The following BLOC1S6 variants were observed in gnomAD, a reference collection of about 807,000 sequenced individuals.
The protein encoded by BLOC1S6 is biogenesis of lysosome-related organelles complex 1 subunit 6.
A neutral mutation model predicts 24.7 loss-of-function variants in BLOC1S6; 24 were observed. The observed-to-expected ratio is 0.97, with a 90% CI of 0.70 to 1.37. The LOEUF is 1.37. Ranked by LOEUF, BLOC1S6 falls within the 40% of genes most tolerant of loss-of-function variation. The pLI, the probability that BLOC1S6 is intolerant of heterozygous loss-of-function variation, is 0.00. For synonymous variants in BLOC1S6, 76 were observed against 72.6 expected (o/e 1.05, Z -0.23); for missense variants, 175 against 196.2 (o/e 0.89, Z 0.64).
At chr15:45,590,009 C>T (rs1595551450) in intron 1 of BLOC1S6, among the ~76,000 whole-genome samples, 1 of 151,950 alleles carries the variant, frequency 6.6e-6, no homozygotes, top group Non-Finnish European at 1.5e-5. Context: ...TTGGGGTGTT[C>T]CTATCATAAA....
chr15:45,604,395 T>C (rs1894377445), intron 3 of BLOC1S6, among the ~76,000 whole-genome samples: 1 of 152,206 alleles, frequency 6.6e-6, no homozygotes, highest in African/African-American at 2.4e-5. Flanking sequence ...TAGTTCCTGG[T>C]TTCTTGCGAG....
At position 45,592,185 on chromosome 15, in the gene BLOC1S6, G is replaced by A; in HGVS notation, c.133G>A (p.Glu45Lys). 1 of 1,614,136 alleles carries A rather than the reference G, an allele frequency of 6.2e-7. No homozygotes were observed. The highest frequency in any genetic ancestry group is 8.5e-7 in the Non-Finnish European group (1 of 1,180,028). ...AGGGTTAATAGAGGACTTGACTATAGAAGACAAAGCAGTGGAGCAACTGGC... is the reference window on the plus strand; with the variant it reads ...AGGGTTAATAGAGGACTTGACTATAAAAGACAAAGCAGTGGAGCAACTGGC... ...DEGLIEDLTI[E>K]DKAVEQLAEG... is the part of the protein sequence containing the mutation. The change falls in exon 2 of 5, where the codon GAA becomes AAA. Residue 45 changes from glutamate (E) to lysine (K), a missense_variant. Physicochemically the swap from Glu to Lys is moderately conservative, Grantham distance 56 (BLOSUM62 1). Transcript: ENST00000220531.
rs1477459893 is a variant in BLOC1S6, at chr15:45,606,458, GAGA to G, written c.466_468del (p.Lys156del). ...AGAGTTGGAAAGGGAGCAGCAACGA[GAGA>G]AGGAGTTTGAAAGAGAAAAGCAGTT... On this transcript the variant is annotated inframe_deletion, in exon 5 of 5. Coordinates refer to ENST00000220531, the MANE Select transcript of BLOC1S6 (RefSeq NM_012388.4). 4 of 1,614,012 alleles carry G rather than the reference GAGA, an allele frequency of 2.5e-6. No individual in the cohort carries two copies. The highest frequency in any genetic ancestry group is 2.2e-5 in the South Asian group (2 of 91,080).
At chr15:45,603,023 A>G (rs1940128252) in intron 2 of BLOC1S6, 77 bp from the exon 3 acceptor site, 8 of 923,520 alleles carry the variant, frequency 8.7e-6, no homozygotes, top group Middle Eastern at 2.1e-4. Context: ...CCATTAACCA[A>G]GATGAATATG....
chr15:45,596,756 G>A (rs568167716), intron 2 of BLOC1S6, among the ~76,000 whole-genome samples: 1 of 151,846 alleles, frequency 6.6e-6, no homozygotes, highest in African/African-American at 2.4e-5. Context: ...TCAGCTCACT[G>A]CAACCTCTGC....
At chr15:45,587,754 G>A (rs1413898848) in intron 1 of BLOC1S6, 1 of 703,586 alleles carries the variant, frequency 1.4e-6, no homozygotes, top group Non-Finnish European at 2.6e-6. Context: ...GCAATTGAAG[G>A]CGGTTGATGG....
Position 45,606,604 on chromosome 15 carries a change from C to T in BLOC1S6, c.*90C>T, listed in dbSNP as rs1281891953. On this transcript the variant is annotated 3_prime_UTR_variant, in exon 5 of 5. Transcript: ENST00000220531. ...CTGAAGTTGAGGTAGTGCCTTATGC[C>T]ATTATGTCATATGTTGAAATCCTTA... The T allele has an allele frequency of 1.9e-6, 3 of 1,551,860 alleles. No homozygotes were observed. Among genetic ancestry groups the T allele is most frequent in the African/African-American group, 1.4e-5 (1 of 73,546 alleles).
At chr15:45,589,422 G>A (rs1000807029) in intron 1 of BLOC1S6, among the ~76,000 whole-genome samples, 1 of 152,186 alleles carries the variant, frequency 6.6e-6, no homozygotes, top group Non-Finnish European at 1.5e-5. Context: ...TTTTTACAGT[G>A]AGTAACACTC....
At chr15:45,587,917 G>A (rs1286401587) in intron 1 of BLOC1S6, 1 of 605,612 alleles carries the variant, frequency 1.7e-6, no homozygotes, top group Non-Finnish European at 2.9e-6. Context: ...GAAATGCTTG[G>A]TCAGCTCGGT....
At position 45,592,293 on chromosome 15, in the gene BLOC1S6, C is replaced by A. The variant is rs142188315; in HGVS notation, c.224+17C>A. 2.0e-4 allele frequency: 328 copies of A among 1,612,988 alleles called. No individual in the cohort carries two copies. The African/African-American group carries it at 3.9e-3, about 19-fold the overall frequency. On this transcript the variant is annotated intron_variant, in intron 2 of 4. Transcript: ENST00000220531. ...GGAACTCACGTAAGCTAATAAAAAACCAGATATACACTCATTTCCTCTGTG... is the reference window on the plus strand; with the variant it reads ...GGAACTCACGTAAGCTAATAAAAAAACAGATATACACTCATTTCCTCTGTG...
chr15:45,606,481 G>A lies in BLOC1S6; in HGVS notation c.486G>A (p.Lys162=). The change falls in exon 5 of 5, where the codon AAG becomes AAA. Residue 162 remains lysine (K), a synonymous_variant. Coordinates refer to ENST00000220531, the MANE Select transcript of BLOC1S6 (RefSeq NM_012388.4). Reference sequence around the variant, plus strand: ...GAGAGAAGGAGTTTGAAAGAGAAAAGCAGTTAACTGCCAGACCAGCCAAAA... The same window carrying A: ...GAGAGAAGGAGTTTGAAAGAGAAAAACAGTTAACTGCCAGACCAGCCAAAA... ...QQREKEFERE[K]QLTARPAKRM 2 of 1,614,142 alleles carry A rather than the reference G, an allele frequency of 1.2e-6. No individual in the cohort carries two copies. Among genetic ancestry groups the A allele is most frequent in the Non-Finnish European group, 1.7e-6 (2 of 1,180,024 alleles).
rs1894481442 is a variant in BLOC1S6 at position 45,606,749 on chromosome 15, A to G, written c.*235A>G. The G allele has an allele frequency of 1.9e-6, 1 of 517,398 alleles. No individual in the cohort carries two copies. Among genetic ancestry groups the G allele is most frequent in the Non-Finnish European group, 3.4e-6 (1 of 297,804 alleles). 32.1% of individuals were successfully genotyped at this position (517,398 alleles called of 1,614,324 possible). On this transcript the variant is annotated 3_prime_UTR_variant, in exon 5 of 5. Coordinates refer to ENST00000220531, the MANE Select transcript of BLOC1S6 (RefSeq NM_012388.4). ...CTTAATTTTAAAATTTATTATTTTG[A>G]TCTTGAATTATTTATAAACTGGAAA...
At chr15:45,590,429 G>C (rs547586637) in intron 1 of BLOC1S6, among the ~76,000 whole-genome samples, 1 of 146,586 alleles carries the variant, frequency 6.8e-6, no homozygotes, top group South Asian at 2.1e-4. Context: ...TTTTTTTGAG[G>C]CAGAGTCTTG....
intron 1 of BLOC1S6, among the ~76,000 whole-genome samples, chr15:45,589,505 A>G (rs1312536136): frequency 6.6e-6 from 1 of 152,174 alleles, no homozygotes; most frequent in Non-Finnish European, 1.5e-5. Flanking sequence ...TCCTTTAGGA[A>G]TTTTTCTTAG....
intron 3 of BLOC1S6, among the ~76,000 whole-genome samples, chr15:45,603,581 G>A (rs1166734174): frequency 6.6e-6 from 1 of 152,156 alleles, no homozygotes; most frequent in Non-Finnish European, 1.5e-5. Flanking sequence ...GGGCATGGTG[G>A]CACATGCCTG....
rs1894580888 is a variant in BLOC1S6 at position 45,608,952 on chromosome 15, G to T, written c.*2438G>T. On this transcript the variant is annotated 3_prime_UTR_variant, in exon 5 of 5. Coordinates refer to ENST00000220531, the MANE Select transcript of BLOC1S6 (RefSeq NM_012388.4). ...GATATAGAATTCTGGTTAGCTAATT[G>T]AACTTTTGTGACCTGTTTAAAAACA... is the stretch of plus-strand genomic sequence containing the variant. 6.6e-6 allele frequency: 1 copy of T among 152,084 alleles called. No individual in the cohort carries two copies. The highest frequency in any genetic ancestry group is 1.5e-5 in the Non-Finnish European group (1 of 68,018). The allele number at this position is 152,084 out of a possible 1,614,324, so 9.4% of individuals were successfully genotyped here.
intron 2 of BLOC1S6, among the ~76,000 whole-genome samples, chr15:45,600,680 T>C (rs1239921150): frequency 2.0e-5 from 3 of 152,244 alleles, no homozygotes; most frequent in Admixed American, 6.5e-5. Context: ...TGTAATTCTT[T>C]TTACACATTG....
At chr15:45,588,635 G>C (rs1893775826) in intron 1 of BLOC1S6, among the ~76,000 whole-genome samples, 1 of 152,096 alleles carries the variant, frequency 6.6e-6, no homozygotes, top group South Asian at 2.1e-4. Context: ...TCACATCACT[G>C]TCCCAAGATA....
chr15:45,587,303 G>T, upstream of BLOC1S6: 1 of 808,810 alleles, frequency 1.2e-6, no homozygotes, highest in Non-Finnish European at 2.1e-6. Context: ...GCGCGTGATC[G>T]AAGCCCGCAG....
Sources: allele counts gnomAD v4.1 joint callset (sites outside exome capture counted in the v4.1 genomes callset), GRCh38; gene constraint gnomAD v4.1.1; transcripts MANE v1.5; gene names NCBI Gene and HGNC (gene_info 2026-07-23, HGNC 2026-07-21).